The following JPH2 variants were observed in gnomAD, a reference collection of about 807,000 sequenced individuals.
JPH2 encodes the protein junctophilin 2.
A neutral mutation model predicts 55.9 loss-of-function variants in JPH2; 38 were observed. That is an observed-to-expected ratio of 0.68 (90% confidence interval 0.52 to 0.89). The LOEUF is 0.89. Ranked by LOEUF, JPH2 falls within the 40% of genes least tolerant of loss-of-function variation. JPH2 has a pLI of 0.00. For missense variants in JPH2, 964 were observed against 1,037.6 expected (o/e 0.93, Z 0.97); for synonymous variants, 480 against 472.4 (o/e 1.02, Z -0.21).
intron 2 of JPH2, among the ~76,000 whole-genome samples, chr20:44,144,118 T>C (rs1360987364): frequency 2.0e-5 from 3 of 152,080 alleles, no homozygotes; most frequent in African/African-American, 7.2e-5. Flanking sequence ...GAGTTGGGTG[T>C]TTACTTGAAG....
At chr20:44,174,242 C>T (rs2072717972) in intron 1 of JPH2, among the ~76,000 whole-genome samples, 1 of 152,176 alleles carries the variant, frequency 6.6e-6, no homozygotes, top group Non-Finnish European at 1.5e-5. Context: ...CCAGGAGTAG[C>T]TCAGCTGGGA....
rs372591271 is a variant in JPH2 at position 44,159,598 on chromosome 20, C to A, written c.1169+20G>T. The A allele has an allele frequency of 9.4e-6, 15 of 1,593,386 alleles. No homozygotes were observed. The African/African-American group carries it at 1.7e-4, about 18-fold the overall frequency. On this transcript the variant is annotated intron_variant, in intron 2 of 5. Transcript: ENST00000372980. The surrounding 1 kb of genome is among the most constrained non-coding windows in gnomAD (Gnocchi z 5.7). ...TCTCCGAGGGGAGGCGACCCCTTCCCACCCCCACCGCTGTCCTACCTGGAG... is the reference window on the plus strand; with the variant it reads ...TCTCCGAGGGGAGGCGACCCCTTCCAACCCCCACCGCTGTCCTACCTGGAG...
intron 2 of JPH2, among the ~76,000 whole-genome samples, chr20:44,143,290 G>A (rs1023093312): frequency 3.9e-5 from 6 of 152,090 alleles, no homozygotes; most frequent in East Asian, 1.9e-4. Context: ...CAACACCCCC[G>A]GTGCCTGCCT....
At chr20:44,162,214 G>C (rs768975545) in intron 1 of JPH2, among the ~76,000 whole-genome samples, 1 of 152,192 alleles carries the variant, frequency 6.6e-6, no homozygotes, top group African/African-American at 2.4e-5. Context: ...ATGTCCAGGA[G>C]CAAGATGGCT....
At position 44,112,473 on chromosome 20, in the gene JPH2, CA is replaced by C; in HGVS notation, c.*1044del. Reference sequence around the variant, plus strand: ...CCCAGGCTGTACCCAGTTGGAGCCCCAGACTTGCCCCTCTCTTGCCGGGAAA... The same window carrying C: ...CCCAGGCTGTACCCAGTTGGAGCCCCGACTTGCCCCTCTCTTGCCGGGAAA... On this transcript the variant is annotated 3_prime_UTR_variant, in exon 6 of 6. Transcript: ENST00000372980. 1 of 152,460 alleles carries C rather than the reference CA, an allele frequency of 6.6e-6. No homozygotes were observed. Among genetic ancestry groups the C allele is most frequent in the Non-Finnish European group, 1.5e-5 (1 of 68,180 alleles). The allele number at this position is 152,460 out of a possible 1,614,324, so 9.4% of individuals were successfully genotyped here.
In JPH2 at chr20:44,159,597, C is replaced by G. The variant is rs1600857199; in HGVS notation, c.1169+21G>C. 1 of 1,593,014 alleles carries G rather than the reference C, an allele frequency of 6.3e-7. No individual in the cohort carries two copies. On this transcript the variant is annotated intron_variant, in intron 2 of 5. Transcript: ENST00000372980. The surrounding 1 kb of genome is among the most constrained non-coding windows in gnomAD (Gnocchi z 5.7). ...TTCTCCGAGGGGAGGCGACCCCTTC[C>G]CACCCCCACCGCTGTCCTACCTGGA... is the stretch of plus-strand genomic sequence containing the variant.
At chr20:44,182,175 T>G (rs867715332) in intron 1 of JPH2, among the ~76,000 whole-genome samples, 2 of 152,152 alleles carry the variant, frequency 1.3e-5, no homozygotes, top group Non-Finnish European at 2.9e-5. Flanking sequence ...TCCCAGCCGT[T>G]CCTAATCACA....
At position 44,108,779 on chromosome 20, in the gene JPH2, C is replaced by T. The variant is rs1374882989; in HGVS notation, c.*4739G>A. ...CATGAGGGTCTCACCTGCAGTTGGT[C>T]TGTGGACAAAATATGACTCCCCGCT... On this transcript the variant is annotated 3_prime_UTR_variant, in exon 6 of 6. Transcript: ENST00000372980. Among the ~76,000 whole-genome samples, 4 of 152,202 alleles carry T rather than the reference C, an allele frequency of 2.6e-5. No individual in the cohort carries two copies. The highest frequency in any genetic ancestry group is 3.9e-4 in the East Asian group (2 of 5,178).
intron 2 of JPH2, among the ~76,000 whole-genome samples, chr20:44,126,831 C>T (rs889719885): frequency 6.6e-6 from 1 of 152,214 alleles, no homozygotes; most frequent in African/African-American, 2.4e-5. Flanking sequence ...AGGTTAAGGG[C>T]ACAAACTCAA....
chr20:44,181,970 CTAAA>C (rs1301072633), intron 1 of JPH2, among the ~76,000 whole-genome samples: 6 of 152,150 alleles, frequency 3.9e-5, no homozygotes, highest in African/African-American at 1.4e-4. Context: ...ATCGGAGTCC[CTAAA>C]TAAATATTTA....
chr20:44,145,330 C>T (rs1045222655), intron 2 of JPH2, among the ~76,000 whole-genome samples: 5 of 152,116 alleles, frequency 3.3e-5, no homozygotes, highest in African/African-American at 1.2e-4. Flanking sequence ...CTGGACCAGG[C>T]GCGGTGGCCC....
In JPH2 at chr20:44,160,274, G is replaced by A; in HGVS notation, c.513C>T (p.Ser171=). The change falls in exon 2 of 6, where the codon AGC becomes AGT. Residue 171 remains serine, a synonymous_variant. Coordinates refer to ENST00000372980, the MANE Select transcript of JPH2 (RefSeq NM_020433.5). The surrounding 1 kb of genome is among the most constrained non-coding windows in gnomAD (Gnocchi z 4.9). Reference sequence around the variant, plus strand: ...GAGAGTCCGGGGCCACCGTGCCGTTGCTGTGCTCGCTGCGCAGGGACGACA... The same window carrying A: ...GAGAGTCCGGGGCCACCGTGCCGTTACTGTGCTCGCTGCGCAGGGACGACA... ...TSLSSLRSEH[S]NGTVAPDSPA... The A allele has an allele frequency of 2.6e-6, 4 of 1,535,134 alleles. No individual in the cohort carries two copies. Among genetic ancestry groups the A allele is most frequent in the East Asian group, 4.9e-5 (2 of 40,726 alleles).
chr20:44,172,059 T>C (rs1289939831), intron 1 of JPH2, among the ~76,000 whole-genome samples: 1 of 152,214 alleles, frequency 6.6e-6, no homozygotes, highest in African/African-American at 2.4e-5. Context: ...CAAGTTTCCT[T>C]TGCAAGGTTG....
intron 2 of JPH2, among the ~76,000 whole-genome samples, chr20:44,157,857 C>A: frequency 6.6e-6 from 1 of 151,082 alleles, no homozygotes; most frequent in East Asian, 1.9e-4. Flanking sequence ...AGGATTGCTG[C>A]AGCCCCAGGA....
chr20:44,162,745 C>CATATATATATAT (rs1157323951), intron 1 of JPH2, among the ~76,000 whole-genome samples: 1 of 52,472 alleles, frequency 1.9e-5, no homozygotes, highest in Non-Finnish European at 3.2e-5. Context: ...AATAAACTTC[C>CATATATATATAT]ATATATATAT....
chr20:44,113,779 A>T (rs1465531773), intron 5 of JPH2, among the ~76,000 whole-genome samples: 1 of 151,772 alleles, frequency 6.6e-6, no homozygotes, highest in Non-Finnish European at 1.5e-5. Context: ...CCCCACTGTC[A>T]TCTGGTTCAC....
At position 44,132,392 on chromosome 20, in the gene JPH2, A is replaced by ACACACACACAC. The variant is rs1433789451; in HGVS notation, c.1170-13770_1170-13769insGTGTGTGTGTG. Among the ~76,000 whole-genome samples, 17 of 145,028 alleles carry ACACACACACAC rather than the reference A, an allele frequency of 1.2e-4. 1 individual carries two copies. In the East Asian group the frequency reaches 3.1e-3, roughly 26 times the overall value. ...CACACACACACACACACACACACAC[A>ACACACACACAC]CACACACACATTTGGGCTGGTTATT... On this transcript the variant is annotated intron_variant, in intron 2 of 5. Coordinates refer to ENST00000372980, the MANE Select transcript of JPH2 (RefSeq NM_020433.5).
At chr20:44,162,823 C>T (rs1397802622) in intron 1 of JPH2, among the ~76,000 whole-genome samples, 1 of 134,050 alleles carries the variant, frequency 7.5e-6, no homozygotes, top group Non-Finnish European at 1.6e-5. Flanking sequence ...CACACACACA[C>T]ATCCTATTAG....
intron 3 of JPH2, among the ~76,000 whole-genome samples, chr20:44,117,714 C>A (rs2072204247): frequency 6.6e-6 from 1 of 152,172 alleles, no homozygotes. Context: ...GCTCAAATGG[C>A]CTCTCCTGAG....
Sources: allele counts gnomAD v4.1 joint callset (sites outside exome capture counted in the v4.1 genomes callset), GRCh38; gene constraint gnomAD v4.1.1; non-coding constraint Gnocchi (gnomAD v3.1); transcripts MANE v1.5; gene names NCBI Gene and HGNC (gene_info 2026-07-23, HGNC 2026-07-21).